The following JMJD1C variants were observed in gnomAD, a reference collection of about 807,000 sequenced individuals.
JMJD1C encodes the protein jumonji domain-containing protein 1C.
A neutral mutation model predicts 245.3 loss-of-function variants in JMJD1C; 31 were observed. The ratio of observed to expected loss-of-function variants is 0.13; its 90% CI spans 0.09 to 0.17. The LOEUF is 0.17. JMJD1C is among the 10% of genes least tolerant of loss of function. The pLI is 1.00. For synonymous variants in JMJD1C, 1,057 were observed against 1,017.4 expected, an observed-to-expected ratio of 1.04 and a Z score of -0.74; for missense variants, 2,691 against 3,000.2, an observed-to-expected ratio of 0.90 and a Z score of 2.41.
chr10:63,226,828 T>G (rs935666972), intron 3 of JMJD1C, among the ~76,000 whole-genome samples: 1 of 149,320 alleles, frequency 6.7e-6, no homozygotes, highest in Non-Finnish European at 1.5e-5. Flanking sequence ...GAAGCCGAGG[T>G]GGGTGGATCA....
At chr10:63,467,902 A>G (rs1489084742), upstream of JMJD1C, among the ~76,000 whole-genome samples, 1 of 152,228 alleles carries the variant, frequency 6.6e-6, no homozygotes, top group Non-Finnish European at 1.5e-5. Flanking sequence ...AAAAATACAA[A>G]TAAAGTCATT....
intron 1 of JMJD1C, among the ~76,000 whole-genome samples, chr10:63,419,715 C>T (rs1392279882): frequency 6.6e-6 from 1 of 151,348 alleles, no homozygotes; most frequent in African/African-American, 2.4e-5. Context: ...GTCTGCAGTC[C>T]AGCTTTGAGT....
At chr10:63,499,165 G>A (rs899774709) in intron 1 of JMJD1C, among the ~76,000 whole-genome samples, 3 of 152,180 alleles carry the variant, frequency 2.0e-5, no homozygotes, top group Admixed American at 6.5e-5. Context: ...TCTGAATAGT[G>A]CTGCAATGAA....
chr10:63,311,997 A>T (rs983393060), intron 2 of JMJD1C, among the ~76,000 whole-genome samples: 7 of 152,320 alleles, frequency 4.6e-5, no homozygotes, highest in Admixed American at 4.6e-4. Context: ...ACCTGTCAAA[A>T]GCCAAAATAA....
At chr10:63,295,966 T>TACACAC (rs1310395037) in intron 2 of JMJD1C, among the ~76,000 whole-genome samples, 1 of 12,398 alleles carries the variant, frequency 8.1e-5, no homozygotes, top group Non-Finnish European at 1.8e-4. Context: ...TATATGTGTG[T>TACACAC]GTGTGTGTGT....
At chr10:63,326,176 A>G (rs1941471844) in intron 2 of JMJD1C, among the ~76,000 whole-genome samples, 1 of 152,130 alleles carries the variant, frequency 6.6e-6, no homozygotes, top group Non-Finnish European at 1.5e-5. Flanking sequence ...GAGAAGTGTA[A>G]TAACACAGTG....
chr10:63,294,797 T>C (rs1349538788), intron 2 of JMJD1C, among the ~76,000 whole-genome samples: 1 of 152,212 alleles, frequency 6.6e-6, no homozygotes, highest in African/African-American at 2.4e-5. Context: ...ATTTCTTCAA[T>C]TTTGTTTTTG....
At chr10:63,294,353 C>T (rs1173647308) in intron 2 of JMJD1C, among the ~76,000 whole-genome samples, 1 of 151,396 alleles carries the variant, frequency 6.6e-6, no homozygotes, top group Admixed American at 6.6e-5. Context: ...GGTATCATCT[C>T]GGCTCACTGT....
intron 2 of JMJD1C, among the ~76,000 whole-genome samples, chr10:63,277,900 C>CT (rs958371037): frequency 9.9e-5 from 15 of 151,770 alleles, no homozygotes; most frequent in African/African-American, 2.9e-4. Flanking sequence ...CCACGCCTGT[C>CT]TAACTTTTCT....
chr10:63,247,111 C>CAAAAAAAAA (rs988526914), intron 3 of JMJD1C, among the ~76,000 whole-genome samples: 2 of 83,502 alleles, frequency 2.4e-5, no homozygotes, highest in Non-Finnish European at 5.3e-5. Flanking sequence ...ACAAAAAAAA[C>CAAAAAAAAA]AAAAACAAAA....
intron 1 of JMJD1C, among the ~76,000 whole-genome samples, chr10:63,458,084 A>G (rs6479902): frequency 0.14 from 21,855 of 152,226 alleles, 3,609 homozygotes; most frequent in African/African-American, 0.41. Context: ...CCAATTCGAT[A>G]ATTTCAGACA....
chr10:63,491,157 G>A (rs1485637856), intron 1 of JMJD1C, among the ~76,000 whole-genome samples: 3 of 152,078 alleles, frequency 2.0e-5, no homozygotes, highest in Non-Finnish European at 2.9e-5. Context: ...GATGGCAGAT[G>A]GAGAAAACAG....
chr10:63,488,716 C>T (rs1045310289), intron 1 of JMJD1C, among the ~76,000 whole-genome samples: 2 of 152,102 alleles, frequency 1.3e-5, no homozygotes, highest in Admixed American at 6.5e-5. Flanking sequence ...CTATCTTTCC[C>T]ATTATTTGGC....
intron 1 of JMJD1C, among the ~76,000 whole-genome samples, chr10:63,484,464 A>G (rs1436670577): frequency 6.6e-6 from 1 of 152,042 alleles, no homozygotes; most frequent in Non-Finnish European, 1.5e-5. Context: ...TTTTCACGCT[A>G]TTTATACCCT....
chr10:63,504,973 CTG>C (rs756215626), intron 1 of JMJD1C, among the ~76,000 whole-genome samples: 2 of 152,022 alleles, frequency 1.3e-5, no homozygotes, highest in Admixed American at 1.3e-4. Context: ...GATCATACCA[CTG>C]TACTCCAGCA....
chr10:63,388,102 C>G (rs1947773721), intron 1 of JMJD1C, among the ~76,000 whole-genome samples: 1 of 151,988 alleles, frequency 6.6e-6, no homozygotes, highest in South Asian at 2.1e-4. Flanking sequence ...CTTCGCAAGG[C>G]TGGCAAAAAG....
chr10:63,222,529 A>C, intron 3 of JMJD1C: 1 of 1,402,904 alleles, frequency 7.1e-7, no homozygotes. Context: ...TTTGTCCCAA[A>C]GATACTCAAC....
intron 1 of JMJD1C, among the ~76,000 whole-genome samples, chr10:63,415,185 T>G (rs577627551): frequency 6.6e-6 from 1 of 152,258 alleles, no homozygotes; most frequent in East Asian, 1.9e-4. Context: ...TTATATAAAA[T>G]GACTTTACTA....
At chr10:63,401,005 C>T (rs1179657471) in intron 1 of JMJD1C, among the ~76,000 whole-genome samples, 2 of 151,498 alleles carry the variant, frequency 1.3e-5, no homozygotes, top group African/African-American at 4.9e-5. Context: ...TTTACAGGTG[C>T]CCTCCACCAC....
Sources: allele counts gnomAD v4.1 joint callset (sites outside exome capture counted in the v4.1 genomes callset), GRCh38; gene constraint gnomAD v4.1.1; transcripts MANE v1.5; gene names NCBI Gene and HGNC (gene_info 2026-07-23, HGNC 2026-07-21).